The following PUM1 variants were observed in gnomAD, a reference collection of about 807,000 sequenced individuals.
PUM1 encodes pumilio RNA binding family member 1, also known as pumilio homolog 1.
PUM1 carries 13 observed loss-of-function variants against 131.8 expected under a neutral mutation model. That is an observed-to-expected ratio of 0.10 (90% CI 0.06 to 0.16). PUM1 has a LOEUF of 0.16. Among genes scored for constraint, PUM1 ranks in the 10% least tolerant of loss-of-function variants. The probability of loss-of-function intolerance (pLI) is 1.00; values close to 1 mark genes in which losing one functional copy is unlikely to be tolerated. For synonymous variants in PUM1, 509 were observed against 556.5 expected (o/e 0.91, Z 1.20); for missense variants, 961 against 1,512.4 (o/e 0.64, Z 6.05).
chr1:30,972,991 A>C (rs1475885543), intron 10 of PUM1: 2 of 156,098 alleles, frequency 1.3e-5, no homozygotes, highest in African/African-American at 4.8e-5. Context: ...GAGGCAGGAG[A>C]ATCGCTTGAA....
At chr1:30,947,505 T>C (rs544564187) in intron 17 of PUM1, among the ~76,000 whole-genome samples, 2 of 152,260 alleles carry the variant, frequency 1.3e-5, no homozygotes, top group East Asian at 1.9e-4. Flanking sequence ...GGTGACAGGA[T>C]ATATAGAAAG....
Position 30,952,487 on chromosome 1 carries a change from T to C in PUM1, c.2592-124A>G, listed in dbSNP as rs570344815. On this transcript the variant is annotated intron_variant, in intron 15 of 21. Transcript: ENST00000426105. Reference sequence around the variant, plus strand: ...GTGAGTGAGCATGTGTGCACACACATGCACACAATAAACCAAACTTTATTT... The same window carrying C: ...GTGAGTGAGCATGTGTGCACACACACGCACACAATAAACCAAACTTTATTT... 73 of 1,441,994 alleles carry C rather than the reference T, an allele frequency of 5.1e-5. No individual in the cohort carries two copies. In the Middle Eastern group the frequency reaches 9.0e-4, roughly 18 times the overall value. 89.3% of individuals were successfully genotyped at this position (1,441,994 alleles called of 1,614,324 possible). A position where few individuals can be genotyped will look rare whatever the true frequency, so the allele number is the denominator to read the frequency against.
chr1:31,059,907 C>T (rs776102804), intron 1 of PUM1, among the ~76,000 whole-genome samples: 16 of 151,440 alleles, frequency 1.1e-4, no homozygotes, highest in Non-Finnish European at 1.8e-4. Context: ...GGTGCAATGA[C>T]GCGATCTCGG....
intron 3 of PUM1, among the ~76,000 whole-genome samples, chr1:31,025,426 T>C (rs892511137): frequency 1.3e-5 from 2 of 152,206 alleles, no homozygotes; most frequent in East Asian, 1.9e-4. Flanking sequence ...CACACGCGCA[T>C]AGGTGCCCAC....
At chr1:31,049,979 G>C (rs185953561) in intron 2 of PUM1, among the ~76,000 whole-genome samples, 1 of 151,440 alleles carries the variant, frequency 6.6e-6, no homozygotes. Flanking sequence ...ACAGGCACCC[G>C]CCAACACACC....
At chr1:31,058,387 G>A (rs1290767745) in intron 2 of PUM1, among the ~76,000 whole-genome samples, 4 of 152,076 alleles carry the variant, frequency 2.6e-5, no homozygotes, top group Non-Finnish European at 4.4e-5. Context: ...TAGGCCGGGC[G>A]CAGTGGCTCA....
chr1:31,001,859 C>T (rs1010084934), intron 5 of PUM1, among the ~76,000 whole-genome samples: 1 of 152,174 alleles, frequency 6.6e-6, no homozygotes, highest in East Asian at 1.9e-4. Flanking sequence ...TCTGAGATAA[C>T]GCGTATGATA....
chr1:31,043,378 T>TTTTTTGTA (rs888123073), intron 2 of PUM1, among the ~76,000 whole-genome samples: 1 of 151,764 alleles, frequency 6.6e-6, no homozygotes, highest in Non-Finnish European at 1.5e-5. Context: ...TAATTTTTTT[T>TTTTTTGTA]TTTTTGTATT....
intron 5 of PUM1, among the ~76,000 whole-genome samples, chr1:31,004,790 G>A (rs1386763461): frequency 6.6e-6 from 1 of 152,178 alleles, no homozygotes. Context: ...AGCAAAAGAT[G>A]TATAACACTA....
intron 14 of PUM1, 57 bp from the exon 15 acceptor site, chr1:30,954,038 G>A: frequency 1.9e-6 from 3 of 1,547,732 alleles, no homozygotes; most frequent in Admixed American, 1.9e-5. Flanking sequence ...TCATTCAAGA[G>A]AGAAAAAAGC....
intron 3 of PUM1, among the ~76,000 whole-genome samples, chr1:31,011,652 G>C (rs1440756909): frequency 6.6e-6 from 1 of 152,158 alleles, no homozygotes; most frequent in Non-Finnish European, 1.5e-5. Flanking sequence ...AAATATCCTA[G>C]TTTGCCAACC....
intron 3 of PUM1, among the ~76,000 whole-genome samples, chr1:31,012,445 C>T (rs556245895): frequency 6.6e-6 from 1 of 151,780 alleles, no homozygotes; most frequent in South Asian, 2.1e-4. Flanking sequence ...TTCCTAACTG[C>T]CCCACCAATA....
At chr1:31,061,335 A>T in intron 1 of PUM1, among the ~76,000 whole-genome samples, 1 of 152,192 alleles carries the variant, frequency 6.6e-6, no homozygotes, top group East Asian at 1.9e-4. Context: ...AGGCCAATGG[A>T]GGTTGGGCAC....
rs538025415 is a variant in PUM1, at chr1:30,977,483, T to C, written c.1354+2579A>G. Among the ~76,000 whole-genome samples the C allele has an allele frequency of 1.6e-3, 249 of 152,358 alleles. 3 individuals are homozygous for C. The highest frequency in any genetic ancestry group is 0.011 in the South Asian group (52 of 4,832). ...GCATTACTCTCTAAATTTTCTCAACTGGCATTTCTACTACTATACGCTGGT... is the reference window on the plus strand; with the variant it reads ...GCATTACTCTCTAAATTTTCTCAACCGGCATTTCTACTACTATACGCTGGT... On this transcript the variant is annotated intron_variant, in intron 9 of 21. Coordinates refer to ENST00000426105, the MANE Select transcript of PUM1 (RefSeq NM_001020658.2).
At chr1:31,060,899 AAAAT>A (rs1644352890) in intron 1 of PUM1, among the ~76,000 whole-genome samples, 1 of 151,494 alleles carries the variant, frequency 6.6e-6, no homozygotes, top group African/African-American at 2.4e-5. Flanking sequence ...AAAAAAAAAA[AAAAT>A]AATAAATAAA....
intron 3 of PUM1, among the ~76,000 whole-genome samples, chr1:31,024,318 G>T (rs1282180913): frequency 6.6e-6 from 1 of 152,158 alleles, no homozygotes; most frequent in African/African-American, 2.4e-5. Context: ...CCCTCTATAA[G>T]CCACTCTGCT....
chr1:31,019,123 C>T (rs1162398239), intron 3 of PUM1, among the ~76,000 whole-genome samples: 3 of 152,122 alleles, frequency 2.0e-5, no homozygotes, highest in East Asian at 1.9e-4. Flanking sequence ...GAGGCTGAGG[C>T]GAGCGAATCG....
At chr1:31,052,996 G>A (rs1246806993) in intron 2 of PUM1, among the ~76,000 whole-genome samples, 1 of 149,714 alleles carries the variant, frequency 6.7e-6, no homozygotes, top group South Asian at 2.1e-4. Context: ...AAGCCACCAC[G>A]CCTGGCCCAA....
At chr1:31,016,905 G>A (rs761101467) in intron 3 of PUM1, among the ~76,000 whole-genome samples, 6 of 152,072 alleles carry the variant, frequency 3.9e-5, no homozygotes, top group Non-Finnish European at 8.8e-5. Context: ...GGTTTTCCCA[G>A]GTTATTAAGC....
Sources: gnomAD v4.1 joint callset for allele counts (sites outside exome capture counted in the v4.1 genomes callset) on GRCh38, gnomAD v4.1.1 for gene constraint, MANE v1.5 for transcripts, NCBI Gene and HGNC (gene_info 2026-07-23, HGNC 2026-07-21) for gene names.